The following STK3 variants were observed in gnomAD, a reference collection of about 807,000 sequenced individuals.
STK3 encodes serine/threonine kinase 3.
STK3 carries 41 observed loss-of-function variants against 58.0 expected under a neutral mutation model. The ratio of observed to expected loss-of-function variants is 0.71; its 90% CI spans 0.55 to 0.92. The LOEUF is 0.92. Among genes scored for constraint, STK3 ranks in the 40% least tolerant of loss-of-function variants. The pLI, the probability that STK3 is intolerant of heterozygous loss-of-function variation, is 0.00. For synonymous variants in STK3, 170 were observed against 191.0 expected, an observed-to-expected ratio of 0.89 and a Z score of 0.91; for missense variants, 479 against 602.7, an observed-to-expected ratio of 0.79 and a Z score of 2.15.
Position 98,813,897 on chromosome 8 carries a change from A to G in STK3, c.26+11618T>C, listed in dbSNP as rs191759946. On this transcript the variant is annotated intron_variant, in intron 1 of 10. Transcript: ENST00000419617. ...AAAATAAATTTGAAAATTCCCTAAC[A>G]TATTCATGTTCTAGTAAAATAAAAA... is the stretch of plus-strand genomic sequence containing the variant. Among the ~76,000 whole-genome samples, 1,318 of 152,286 alleles carry G rather than the reference A, an allele frequency of 8.7e-3. 12 individuals are homozygous for G. The highest frequency in any genetic ancestry group is 0.03 in the African/African-American group (1,242 of 41,544).
intron 10 of STK3, among the ~76,000 whole-genome samples, chr8:98,515,069 T>C (rs188298698): frequency 6.2e-4 from 94 of 152,256 alleles, no homozygotes; most frequent in Admixed American, 2.2e-3. Context: ...TTCTTGAATG[T>C]AGACTCTCTT....
chr8:98,627,504 A>G (rs1241927292), intron 6 of STK3, among the ~76,000 whole-genome samples: 2 of 151,540 alleles, frequency 1.3e-5, no homozygotes, highest in Non-Finnish European at 2.9e-5. Context: ...AAGAAAAAAA[A>G]AAAAAAAAAG....
upstream of STK3, among the ~76,000 whole-genome samples, chr8:98,825,939 G>A (rs1379405457): frequency 6.8e-6 from 1 of 148,104 alleles, no homozygotes; most frequent in Non-Finnish European, 1.5e-5. Context: ...GCACCGCGGC[G>A]GGGGGCGGAG....
chr8:98,434,515 G>T (rs998097822), intron 2 of STK3, among the ~76,000 whole-genome samples: 2 of 152,164 alleles, frequency 1.3e-5, no homozygotes, highest in Non-Finnish European at 2.9e-5. Context: ...TGTTACATCC[G>T]GTCAATGGTG....
chr8:98,741,084 G>C (rs1307477360), intron 4 of STK3, among the ~76,000 whole-genome samples: 1 of 152,192 alleles, frequency 6.6e-6, no homozygotes, highest in South Asian at 2.1e-4. Context: ...GGAGCACCCA[G>C]ATTCATAAAG....
intron 6 of STK3, among the ~76,000 whole-genome samples, chr8:98,614,830 T>G (rs1431247328): frequency 1.3e-5 from 2 of 151,974 alleles, no homozygotes; most frequent in Non-Finnish European, 2.9e-5. Flanking sequence ...TCTCGCTGAT[T>G]GCTAGCACAA....
intron 6 of STK3, among the ~76,000 whole-genome samples, chr8:98,689,354 G>A (rs1385190589): frequency 2.0e-5 from 3 of 152,074 alleles, no homozygotes; most frequent in African/African-American, 7.2e-5. Flanking sequence ...TCGAAGAGGA[G>A]GGCCTCCTCC....
intron 6 of STK3, among the ~76,000 whole-genome samples, chr8:98,661,131 A>C (rs913813637): frequency 1.3e-5 from 2 of 151,370 alleles, no homozygotes; most frequent in African/African-American, 4.9e-5. Flanking sequence ...CATAAGTATA[A>C]ATTACAATTT....
chr8:98,544,681 C>T (rs1236951733), intron 9 of STK3, among the ~76,000 whole-genome samples: 1 of 151,164 alleles, frequency 6.6e-6, no homozygotes, highest in Non-Finnish European at 1.5e-5. Context: ...CACACACACA[C>T]ACACACACAC....
intron 4 of STK3, among the ~76,000 whole-genome samples, chr8:98,713,015 A>C (rs1489134925): frequency 6.6e-6 from 1 of 152,230 alleles, no homozygotes; most frequent in Non-Finnish European, 1.5e-5. Flanking sequence ...GAAACTGAAC[A>C]ACCTGCTCCT....
intron 1 of STK3, among the ~76,000 whole-genome samples, chr8:98,790,594 T>C (rs901577886): frequency 6.6e-6 from 1 of 152,206 alleles, no homozygotes; most frequent in Non-Finnish European, 1.5e-5. Context: ...GCACTCCCTC[T>C]GAGAACTGGA....
intron 3 of STK3, among the ~76,000 whole-genome samples, chr8:98,761,149 G>A (rs150626521): frequency 0.034 from 5,081 of 149,932 alleles, 116 homozygotes; most frequent in South Asian, 0.067. Flanking sequence ...TTTGAGACAG[G>A]GTCTGGCTCT....
chr8:98,751,197 G>A (rs553000983), intron 3 of STK3, among the ~76,000 whole-genome samples: 1 of 152,276 alleles, frequency 6.6e-6, no homozygotes, highest in African/African-American at 2.4e-5. Context: ...GCGGCATTAA[G>A]ACAAGGATGG....
chr8:98,818,974 C>T (rs772246417), intron 1 of STK3, among the ~76,000 whole-genome samples: 6 of 152,176 alleles, frequency 3.9e-5, no homozygotes, highest in Non-Finnish European at 8.8e-5. Context: ...ATGCCCGCCA[C>T]CATGCCCGGC....
chr8:98,645,556 G>A (rs1177517230), intron 6 of STK3, among the ~76,000 whole-genome samples: 1 of 152,116 alleles, frequency 6.6e-6, no homozygotes, highest in Non-Finnish European at 1.5e-5. Context: ...ATGAATCTAT[G>A]AGGAAAATCA....
chr8:98,680,038 C>G (rs1823511226), intron 6 of STK3, among the ~76,000 whole-genome samples: 2 of 152,134 alleles, frequency 1.3e-5, no homozygotes, highest in Admixed American at 1.3e-4. Context: ...CATATTGTTA[C>G]TCTTCTAACT....
chr8:98,764,716 C>A (rs902748214), intron 3 of STK3, among the ~76,000 whole-genome samples: 3 of 152,094 alleles, frequency 2.0e-5, no homozygotes, highest in Non-Finnish European at 2.9e-5. Context: ...TCTGAGTAAC[C>A]ATTATGTGGC....
At chr8:98,894,992 G>A (rs1055561465) in intron 1 of STK3, among the ~76,000 whole-genome samples, 3 of 152,144 alleles carry the variant, frequency 2.0e-5, no homozygotes, top group African/African-American at 7.2e-5. Context: ...GGGGATTCTA[G>A]ATATTTTAAA....
intron 10 of STK3, among the ~76,000 whole-genome samples, chr8:98,490,392 T>C (rs530408124): frequency 6.6e-6 from 1 of 152,246 alleles, no homozygotes; most frequent in Non-Finnish European, 1.5e-5. Flanking sequence ...TCTTGTCTTA[T>C]TGCATTAGAC....
Sources: gnomAD v4.1 joint callset for allele counts (sites outside exome capture counted in the v4.1 genomes callset) on GRCh38, gnomAD v4.1.1 for gene constraint, MANE v1.5 for transcripts, NCBI Gene and HGNC (gene_info 2026-07-23, HGNC 2026-07-21) for gene names.